ARHGAP8: variants seen among roughly 807,000 people sequenced by gnomAD.
ARHGAP8 encodes the protein Rho GTPase activating protein 8.
A neutral mutation model predicts 46.1 loss-of-function variants in ARHGAP8; 62 were observed. That is an observed-to-expected ratio of 1.34 (90% CI 1.10 to 1.66). The LOEUF is 1.66. Among genes scored for constraint, ARHGAP8 ranks in the 40% most tolerant of loss-of-function variants. The pLI is 0.00. For missense variants in ARHGAP8, 923 were observed against 568.4 expected (o/e 1.62, Z -6.34); for synonymous variants, 375 against 243.1 (o/e 1.54, Z -5.05).
At chr22:44,819,255 C>T (rs557417008) in intron 5 of ARHGAP8, among the ~76,000 whole-genome samples, 7 of 152,322 alleles carry the variant, frequency 4.6e-5, no homozygotes, top group South Asian at 2.1e-4. Context: ...TTAGTAGAGA[C>T]AGGGTTTTGC....
chr22:44,781,495 T>A (rs1926842226), intron 1 of ARHGAP8, among the ~76,000 whole-genome samples: 1 of 152,086 alleles, frequency 6.6e-6, no homozygotes, highest in Non-Finnish European at 1.5e-5. Context: ...CTTTTTAAAA[T>A]GATTTATATT....
intron 2 of ARHGAP8, among the ~76,000 whole-genome samples, chr22:44,787,633 C>A (rs1352502632): frequency 2.0e-5 from 3 of 152,192 alleles, no homozygotes; most frequent in African/African-American, 7.2e-5. Flanking sequence ...GCGTGAGCCA[C>A]CGTGCCCGGC....
At chr22:44,798,584 A>T (rs1928264778) in intron 2 of ARHGAP8, among the ~76,000 whole-genome samples, 1 of 147,380 alleles carries the variant, frequency 6.8e-6, no homozygotes, top group African/African-American at 2.5e-5. Context: ...ACACAGGGTT[A>T]GAGGTGGACT....
intron 4 of ARHGAP8, among the ~76,000 whole-genome samples, chr22:44,810,814 A>C (rs1043126107): frequency 1.3e-5 from 2 of 151,924 alleles, no homozygotes; most frequent in African/African-American, 4.8e-5. Flanking sequence ...CCGTGGAGGG[A>C]GGCAGCAAAG....
chr22:44,860,481 C>G lies in ARHGAP8; in HGVS notation c.981+647C>G, dbSNP rs142772686. 7.4e-3 allele frequency among the ~76,000 whole-genome samples: 1,127 copies of G among 152,172 alleles called. 16 individuals are homozygous for G. Among genetic ancestry groups the G allele is most frequent in the African/African-American group, 0.025 (1,050 of 41,496 alleles). ...TCCACCTTTCCCTCCTAAGTGTGGA[C>G]CCCCTGCCATATGTCACTGGGTTTA... On this transcript the variant is annotated intron_variant, in intron 11 of 11. Coordinates refer to ENST00000356099, the MANE Select transcript of ARHGAP8 (RefSeq NM_181335.3).
intron 2 of ARHGAP8, among the ~76,000 whole-genome samples, chr22:44,801,650 C>T (rs1050975636): frequency 6.6e-6 from 1 of 152,244 alleles, no homozygotes; most frequent in African/African-American, 2.4e-5. Context: ...AGGTCATGCC[C>T]AGGAGCCATT....
At chr22:44,793,102 A>G (rs1373313354) in intron 2 of ARHGAP8, among the ~76,000 whole-genome samples, 2 of 152,160 alleles carry the variant, frequency 1.3e-5, no homozygotes, top group African/African-American at 2.4e-5. Flanking sequence ...GATTATAGGC[A>G]TGAGCCACCG....
chr22:44,808,508 A>G lies in ARHGAP8; in HGVS notation c.299+70A>G. 3.8e-6 allele frequency: 6 copies of G among 1,580,418 alleles called. No homozygotes were observed. The South Asian group carries it at 5.7e-5, about 15-fold the overall frequency. The stretch of plus-strand genomic sequence containing the variant: ...TGGCAGGAGGAGGCATTGTGGCCAC[A>G]AGGGGTCGCAGAGTGTGCAGTGGGG... On this transcript the variant is annotated intron_variant, in intron 4 of 11. Coordinates refer to ENST00000356099, the MANE Select transcript of ARHGAP8 (RefSeq NM_181335.3).
At chr22:44,763,542 A>C (rs1390186210) in intron 1 of ARHGAP8, among the ~76,000 whole-genome samples, 1 of 151,212 alleles carries the variant, frequency 6.6e-6, no homozygotes, top group African/African-American at 2.4e-5. Context: ...TAAAATCATG[A>C]CTGTCATACA....
At chr22:44,839,601 A>G (rs1227952215) in intron 7 of ARHGAP8, among the ~76,000 whole-genome samples, 3 of 152,156 alleles carry the variant, frequency 2.0e-5, no homozygotes, top group East Asian at 1.9e-4. Context: ...CCACCTCTCA[A>G]TTGTGGGACC....
At chr22:44,818,283 T>C (rs935236560) in intron 5 of ARHGAP8, among the ~76,000 whole-genome samples, 1 of 151,978 alleles carries the variant, frequency 6.6e-6, no homozygotes, top group African/African-American at 2.4e-5. Context: ...ACCCCGTCTC[T>C]ACTAAAAATA....
Position 44,754,338 on chromosome 22 carries a change from TTGTGTG to T in ARHGAP8, c.-72+1742_-72+1747del, listed in dbSNP as rs35257490. Among the ~76,000 whole-genome samples, 158 of 146,620 alleles carry T rather than the reference TTGTGTG, an allele frequency of 1.1e-3. 1 individual carries two copies. Among genetic ancestry groups the T allele is most frequent in the African/African-American group, 3.2e-3 (126 of 39,006 alleles). On this transcript the variant is annotated intron_variant, in intron 1 of 11. Transcript: ENST00000356099. ...ATAACATCATTGGGTCATTGAAACTTTGTGTGTGTGTGTGTGTGTGTGTGTGTGTGT... is the reference window on the plus strand; with the variant it reads ...ATAACATCATTGGGTCATTGAAACTTTGTGTGTGTGTGTGTGTGTGTGTGT...
intron 1 of ARHGAP8, among the ~76,000 whole-genome samples, chr22:44,757,659 C>T (rs1269302270): frequency 6.6e-6 from 1 of 151,840 alleles, no homozygotes; most frequent in Non-Finnish European, 1.5e-5. Context: ...TTGTTTTTGA[C>T]CTGGAGTCTC....
chr22:44,810,279 T>C (rs1179060935), intron 4 of ARHGAP8, among the ~76,000 whole-genome samples: 1 of 150,154 alleles, frequency 6.7e-6, no homozygotes, highest in Non-Finnish European at 1.5e-5. Context: ...TCTCATTCTA[T>C]TGCCTGGGCT....
At chr22:44,817,542 G>T (rs981580205) in intron 5 of ARHGAP8, among the ~76,000 whole-genome samples, 1 of 152,150 alleles carries the variant, frequency 6.6e-6, no homozygotes, top group African/African-American at 2.4e-5. Context: ...AATAGCTCAC[G>T]TCTGTAATCT....
At chr22:44,824,973 A>G (rs555806464) in intron 6 of ARHGAP8, among the ~76,000 whole-genome samples, 8 of 152,012 alleles carry the variant, frequency 5.3e-5, no homozygotes, top group Middle Eastern at 3.4e-3. Context: ...CACCTCCTTC[A>G]GAGTTTATCC....
chr22:44,824,619 C>T (rs1030101127), intron 6 of ARHGAP8, among the ~76,000 whole-genome samples: 7 of 137,540 alleles, frequency 5.1e-5, no homozygotes, highest in African/African-American at 1.9e-4. Context: ...CTTTTCTTTT[C>T]TTTCTTCTTC....
At chr22:44,819,857 C>T (rs186735903) in intron 5 of ARHGAP8, among the ~76,000 whole-genome samples, 12 of 152,256 alleles carry the variant, frequency 7.9e-5, no homozygotes, top group Admixed American at 3.9e-4. Context: ...TGAGAGGGGG[C>T]GTGGGCTGGG....
At chr22:44,824,554 C>T (rs1930375376) in intron 6 of ARHGAP8, among the ~76,000 whole-genome samples, 1 of 152,158 alleles carries the variant, frequency 6.6e-6, no homozygotes, top group South Asian at 2.1e-4. Flanking sequence ...CATAGTAGGG[C>T]TTCAATACGT....
Sources: gnomAD v4.1 joint callset for allele counts (sites outside exome capture counted in the v4.1 genomes callset) on GRCh38, gnomAD v4.1.1 for gene constraint, MANE v1.5 for transcripts, NCBI Gene and HGNC (gene_info 2026-07-23, HGNC 2026-07-21) for gene names.